The following NAA15 variants were observed in gnomAD, a reference collection of about 807,000 sequenced individuals.
NAA15 encodes N-terminal acetyltransferase.
A neutral mutation model predicts 114.0 loss-of-function variants in NAA15; 34 were observed. The observed-to-expected ratio is 0.30, with a 90% CI of 0.23 to 0.40. The LOEUF (loss-of-function observed/expected upper bound fraction) is 0.40. Among genes scored for constraint, NAA15 ranks in the 10% least tolerant of loss-of-function variants. NAA15 has a pLI of 1.00. For synonymous variants in NAA15, 340 were observed against 338.0 expected (o/e 1.01, Z -0.06); for missense variants, 658 against 1,004.5 (o/e 0.66, Z 4.66).
intron 3 of NAA15, among the ~76,000 whole-genome samples, chr4:139,338,433 G>C (rs1747270173): frequency 6.6e-6 from 1 of 151,974 alleles, no homozygotes; most frequent in Non-Finnish European, 1.5e-5. Context: ...TAAACATTCT[G>C]GGGTTTTTTT....
chr4:139,339,274 C>T (rs79009798), intron 3 of NAA15, among the ~76,000 whole-genome samples: 6,011 of 151,840 alleles, frequency 0.04, 179 homozygotes, highest in Non-Finnish European at 0.066. Context: ...AGGCAGCGAT[C>T]ACTTGAGGCT....
intron 1 of NAA15, among the ~76,000 whole-genome samples, chr4:139,308,312 T>TA (rs972157760): frequency 2.0e-5 from 3 of 152,282 alleles, no homozygotes; most frequent in Admixed American, 2.0e-4. Context: ...TTGGGAAAGT[T>TA]AATGTTTCTG....
At chr4:139,359,597 C>T in intron 11 of NAA15, 146 bp from the exon 12 acceptor site, 1 of 656,258 alleles carries the variant, frequency 1.5e-6, no homozygotes, top group Non-Finnish European at 2.5e-6. Flanking sequence ...TGGAAGAATG[C>T]ATTTCTTTAT....
At chr4:139,384,173 A>C (rs1489402773) in intron 17 of NAA15, among the ~76,000 whole-genome samples, 1 of 152,200 alleles carries the variant, frequency 6.6e-6, no homozygotes, top group East Asian at 1.9e-4. Flanking sequence ...TTCTGCTGAC[A>C]TACATTCTTT....
intron 9 of NAA15, among the ~76,000 whole-genome samples, chr4:139,351,874 A>AT (rs1560970220): frequency 6.6e-6 from 1 of 151,602 alleles, no homozygotes; most frequent in Non-Finnish European, 1.5e-5. Flanking sequence ...TAAAAAGTTG[A>AT]TAAGGTAATA....
Position 139,384,878 on chromosome 4 carries a change from A to G in NAA15, c.2202A>G (p.Leu734=). The G allele has an allele frequency of 1.3e-6, 2 of 1,551,756 alleles. No individual in the cohort carries two copies. The highest frequency in any genetic ancestry group is 1.3e-5 in the South Asian group (1 of 79,856). Residue 734 remains leucine, a synonymous_variant, in exon 18 of 20, where the codon TTA becomes TTG. Transcript: ENST00000296543. ...TATCTGATACAGTTAGAACAGTATTAAAACAAGAAATGAATCGTCTTTTTG... is the reference window on the plus strand; with the variant it reads ...TATCTGATACAGTTAGAACAGTATTGAAACAAGAAATGAATCGTCTTTTTG... ...KDLSDTVRTV[L]KQEMNRLFGA...
intron 1 of NAA15, among the ~76,000 whole-genome samples, chr4:139,319,147 AACC>A (rs913256037): frequency 6.6e-6 from 1 of 152,144 alleles, no homozygotes; most frequent in African/African-American, 2.4e-5. Flanking sequence ...TACAAAAATT[AACC>A]AGGCATGGTG....
chr4:139,334,326 C>A, intron 2 of NAA15, 68 bp downstream of exon 2: 1 of 1,033,444 alleles, frequency 9.7e-7, no homozygotes, highest in Non-Finnish European at 1.4e-6. Context: ...GTATTCTTCC[C>A]AGCTGCCTTA....
chr4:139,343,804 C>G (rs554916886), intron 5 of NAA15, among the ~76,000 whole-genome samples: 1 of 152,172 alleles, frequency 6.6e-6, no homozygotes, highest in Non-Finnish European at 1.5e-5. Context: ...CAAACTTTCA[C>G]CATCTAGTTT....
At chr4:139,307,810 AC>A (rs1217747376) in intron 1 of NAA15, among the ~76,000 whole-genome samples, 2 of 152,000 alleles carry the variant, frequency 1.3e-5, no homozygotes, top group African/African-American at 4.8e-5. Context: ...CTGGAATAAA[AC>A]TTTTTTTCTT....
chr4:139,377,364 C>G (rs942684450), intron 16 of NAA15, among the ~76,000 whole-genome samples: 1 of 152,112 alleles, frequency 6.6e-6, no homozygotes, highest in South Asian at 2.1e-4. Context: ...TGGAGAAACC[C>G]CGTCTCTACT....
At chr4:139,328,528 A>AT (rs1162157717) in intron 1 of NAA15, among the ~76,000 whole-genome samples, 4 of 138,412 alleles carry the variant, frequency 2.9e-5, no homozygotes, top group Non-Finnish European at 4.8e-5. Context: ...TAAATTCTGT[A>AT]TTTTCTTTTT....
chr4:139,369,801 A>G (rs1235151921), intron 14 of NAA15, among the ~76,000 whole-genome samples: 1 of 150,356 alleles, frequency 6.7e-6, no homozygotes, highest in Admixed American at 6.6e-5. Flanking sequence ...ACCATGTAAT[A>G]TTTTTTTAAA....
intron 17 of NAA15, among the ~76,000 whole-genome samples, chr4:139,379,541 C>G (rs75005248): frequency 0.062 from 9,470 of 152,138 alleles, 968 homozygotes; most frequent in African/African-American, 0.22. Flanking sequence ...AAGAACTGTA[C>G]ATTTATAATA....
intron 4 of NAA15, among the ~76,000 whole-genome samples, chr4:139,341,407 AAC>A (rs1747383041): frequency 6.6e-6 from 1 of 151,548 alleles, no homozygotes; most frequent in African/African-American, 2.4e-5. Flanking sequence ...CATCCTGCCT[AAC>A]ACAGTGAAAC....
rs781028620 is a variant in NAA15 at position 139,301,544 on chromosome 4, C to T, written c.-234C>T. The T allele has an allele frequency of 1.1e-4, 64 of 573,496 alleles. No individual in the cohort carries two copies. The highest frequency in any genetic ancestry group is 1.8e-4 in the Non-Finnish European group (59 of 324,624). 35.5% of individuals were successfully genotyped at this position (573,496 alleles called of 1,614,324 possible). A position where few individuals can be genotyped will look rare whatever the true frequency, so the allele number is the denominator to read the frequency against. ...GTCTGTTCAGTTACCACGTGAACCG[C>T]CGACGGAGACCCGTAGTGGGGGAGG... On this transcript the variant is annotated 5_prime_UTR_variant, in exon 1 of 20. Transcript: ENST00000296543.
intron 1 of NAA15, among the ~76,000 whole-genome samples, chr4:139,317,494 G>A (rs569481939): frequency 6.6e-6 from 1 of 152,192 alleles, no homozygotes; most frequent in African/African-American, 2.4e-5. Context: ...GGTGGCACAT[G>A]CCTGCAATCC....
intron 1 of NAA15, among the ~76,000 whole-genome samples, chr4:139,304,847 T>C (rs907335787): frequency 3.9e-5 from 6 of 152,088 alleles, no homozygotes; most frequent in African/African-American, 1.4e-4. Flanking sequence ...CCCACCGCCC[T>C]CCCATCCCCT....
At chr4:139,350,918 G>A (rs1270797174) in intron 7 of NAA15, among the ~76,000 whole-genome samples, 1 of 152,092 alleles carries the variant, frequency 6.6e-6, no homozygotes, top group Non-Finnish European at 1.5e-5. Flanking sequence ...ATGGAAACAT[G>A]ATAACCAAGG....
Sources: allele counts gnomAD v4.1 joint callset (sites outside exome capture counted in the v4.1 genomes callset), GRCh38; gene constraint gnomAD v4.1.1; transcripts MANE v1.5; gene names NCBI Gene and HGNC (gene_info 2026-07-23, HGNC 2026-07-21).